The following CNOT4 variants were observed in gnomAD, a reference collection of about 807,000 sequenced individuals.
The protein encoded by CNOT4 is CCR4-NOT transcription complex subunit 4.
CNOT4 carries 8 observed loss-of-function variants against 73.8 expected under a neutral mutation model. The observed-to-expected ratio is 0.11, with a 90% CI of 0.06 to 0.20. CNOT4 has a LOEUF of 0.20. Ranked by LOEUF, CNOT4 falls within the 10% of genes least tolerant of loss-of-function variation. CNOT4 has a pLI of 1.00. For synonymous variants in CNOT4, 293 were observed against 321.1 expected (o/e 0.91, Z 0.94); for missense variants, 564 against 883.4 (o/e 0.64, Z 4.58).
At chr7:135,471,019 G>A (rs922062172) in intron 1 of CNOT4, among the ~76,000 whole-genome samples, 1 of 152,080 alleles carries the variant, frequency 6.6e-6, no homozygotes, top group Non-Finnish European at 1.5e-5. Context: ...ACAAAATCTC[G>A]ACTTAATTCC....
chr7:135,496,145 T>A (rs1304852804), intron 1 of CNOT4, among the ~76,000 whole-genome samples: 2 of 151,730 alleles, frequency 1.3e-5, no homozygotes, highest in Non-Finnish European at 2.9e-5. Context: ...CAGGCTGGAG[T>A]GCAGTGGCGC....
At chr7:135,450,126 G>C (rs541116840) in intron 1 of CNOT4, among the ~76,000 whole-genome samples, 1 of 152,074 alleles carries the variant, frequency 6.6e-6, no homozygotes, top group Non-Finnish European at 1.5e-5. Context: ...CAGGAGAATC[G>C]CTTAAGCCCA....
intron 1 of CNOT4, among the ~76,000 whole-genome samples, chr7:135,481,392 T>C (rs1269581670): frequency 6.6e-6 from 1 of 152,160 alleles, no homozygotes; most frequent in Non-Finnish European, 1.5e-5. Context: ...AGATATTATC[T>C]TACCCCAGTT....
At chr7:135,447,857 G>A (rs778438665) in intron 1 of CNOT4, among the ~76,000 whole-genome samples, 1 of 152,220 alleles carries the variant, frequency 6.6e-6, no homozygotes. Context: ...GTGACCTCGA[G>A]AGTCGTATGG....
At chr7:135,491,434 G>A (rs1353913946) in intron 1 of CNOT4, among the ~76,000 whole-genome samples, 1 of 152,166 alleles carries the variant, frequency 6.6e-6, no homozygotes, top group Admixed American at 6.5e-5. Flanking sequence ...AAATGTAGTA[G>A]CCTAAAAGGC....
At chr7:135,423,793 T>C (rs1798325468) in intron 2 of CNOT4, among the ~76,000 whole-genome samples, 1 of 152,130 alleles carries the variant, frequency 6.6e-6, no homozygotes, top group Non-Finnish European at 1.5e-5. Flanking sequence ...ATCTGGATCT[T>C]TGAGTTAGTG....
intron 7 of CNOT4, 63 bp from the exon 8 acceptor site, chr7:135,398,289 ACTCCT>A: frequency 1.2e-6 from 1 of 842,270 alleles, no homozygotes; most frequent in Admixed American, 2.3e-5. Context: ...ATAAAAACAA[ACTCCT>A]CAAAAGAAAA....
At chr7:135,422,518 T>C (rs1355088421) in intron 2 of CNOT4, among the ~76,000 whole-genome samples, 165 bp from the exon 3 acceptor site, 1 of 152,136 alleles carries the variant, frequency 6.6e-6, no homozygotes, top group Non-Finnish European at 1.5e-5. Flanking sequence ...AAAAGACAAA[T>C]GTTAAATAAA....
At chr7:135,418,843 A>G (rs1021983672) in intron 3 of CNOT4, among the ~76,000 whole-genome samples, 1 of 152,178 alleles carries the variant, frequency 6.6e-6, no homozygotes, top group African/African-American at 2.4e-5. Flanking sequence ...TCTCCACACT[A>G]GCTAAGTGTT....
In CNOT4 at chr7:135,438,324, C is replaced by A; in HGVS notation, c.8G>T (p.Arg3Leu). 1 of 1,599,078 alleles carries A rather than the reference C, an allele frequency of 6.3e-7. No individual in the cohort carries two copies. Among genetic ancestry groups the A allele is most frequent in the Non-Finnish European group, 8.5e-7 (1 of 1,173,362 alleles). Residue 3 changes from arginine to leucine, a missense_variant, in exon 2 of 12, where the codon CGC becomes CTC. By Grantham distance (102) the Arg-to-Leu change is moderately radical. This residue lies in a region of CNOT4 where 76 missense variants were observed against 208.7 expected (regional missense o/e 0.36). Transcript: ENST00000541284. MS[R>L]SPDAKEDPVE... ...AGGGTCTTCCTTCGCATCAGGACTG[C>A]GAGACATCTTCACGTTTATTAAACA...
At chr7:135,432,959 C>A (rs1798934266) in intron 2 of CNOT4, among the ~76,000 whole-genome samples, 1 of 152,168 alleles carries the variant, frequency 6.6e-6, no homozygotes, top group Non-Finnish European at 1.5e-5. Flanking sequence ...ACTTCTTTGT[C>A]TTTGGTATTC....
At chr7:135,387,802 C>T in intron 10 of CNOT4, 1 of 980,020 alleles carries the variant, frequency 1.0e-6, no homozygotes, top group Non-Finnish European at 1.2e-6. Context: ...AAGTACTCCA[C>T]TATTCTCTTG....
chr7:135,454,433 C>T (rs773154248), intron 1 of CNOT4, among the ~76,000 whole-genome samples: 187 of 151,924 alleles, frequency 1.2e-3, no homozygotes, highest in Non-Finnish European at 2.4e-3. Context: ...GCAGGTGGAT[C>T]GCTTGAGCTC....
chr7:135,505,457 C>T (rs1221688443), intron 1 of CNOT4, among the ~76,000 whole-genome samples: 1 of 152,106 alleles, frequency 6.6e-6, no homozygotes, highest in Non-Finnish European at 1.5e-5. Context: ...GAGGCTGAGG[C>T]AGGAGGATTG....
At chr7:135,509,722 G>T in intron 1 of CNOT4, 167 bp downstream of exon 1, 2 of 273,498 alleles carry the variant, frequency 7.3e-6, no homozygotes, top group East Asian at 6.4e-5. Flanking sequence ...AAAGGGGAGA[G>T]GGAGGAAGAG....
chr7:135,415,334 T>G, intron 3 of CNOT4, 72 bp from the exon 4 acceptor site: 1 of 730,238 alleles, frequency 1.4e-6, no homozygotes, highest in Non-Finnish European at 2.3e-6. Flanking sequence ...ATGGAGACAT[T>G]CATCATCCCT....
chr7:135,396,747 T>C (rs953562657), intron 8 of CNOT4, among the ~76,000 whole-genome samples: 1 of 152,130 alleles, frequency 6.6e-6, no homozygotes. Flanking sequence ...TCTACCTATT[T>C]ATATGAACAA....
intron 1 of CNOT4, among the ~76,000 whole-genome samples, chr7:135,444,171 TA>T (rs1197272238): frequency 6.7e-6 from 1 of 148,998 alleles, no homozygotes; most frequent in Non-Finnish European, 1.5e-5. Context: ...ATAATAATAA[TA>T]ATACACGAGA....
chr7:135,470,796 G>A (rs549676011), intron 1 of CNOT4, among the ~76,000 whole-genome samples: 5 of 152,290 alleles, frequency 3.3e-5, no homozygotes, highest in African/African-American at 1.2e-4. Context: ...TCTGGTGACA[G>A]AATCAGAACA....
Sources: gnomAD v4.1 joint callset for allele counts (sites outside exome capture counted in the v4.1 genomes callset) on GRCh38, gnomAD v4.1.1 for gene constraint, gnomAD v4.1.1 regional missense constraint, MANE v1.5 for transcripts, NCBI Gene and HGNC (gene_info 2026-07-23, HGNC 2026-07-21) for gene names.